The following MBOAT7 variants were observed in gnomAD, a reference collection of about 807,000 sequenced individuals.
The protein encoded by MBOAT7 is membrane bound acylglycerophosphatidylinositol O-acyltransferase MBOAT7, also known as membrane-bound acylglycerophosphatidylinositol O-acyltransferase MBOAT7.
In MBOAT7, 40 loss-of-function variants were observed where a neutral mutation model predicts 47.4. The observed-to-expected ratio is 0.84, with a 90% confidence interval of 0.66 to 1.10. The LOEUF (loss-of-function observed/expected upper bound fraction) is 1.10, where lower values mean the gene tolerates loss of function less well. Among genes scored for constraint, MBOAT7 ranks in the 50% least tolerant of loss-of-function variants. The pLI is 0.00. For missense variants in MBOAT7, 680 were observed against 655.6 expected (o/e 1.04, Z -0.41); for synonymous variants, 361 against 292.0 (o/e 1.24, Z -2.41).
rs770681434 is a variant in MBOAT7 at position 54,188,300 on chromosome 19, G to A, written c.123C>T (p.Leu41=). 7 of 1,613,914 alleles carry A rather than the reference G, an allele frequency of 4.3e-6. No homozygotes were observed. The highest frequency in any genetic ancestry group is 1.1e-5 in the South Asian group (1 of 91,076). The change falls in exon 3 of 8, where the codon CTC becomes CTT. Residue 41 remains leucine (L), a synonymous_variant. Coordinates refer to ENST00000245615, the MANE Select transcript of MBOAT7 (RefSeq NM_024298.5). ...TGTGGGGGCCACAGGTGAACAGGGT[G>A]AGCCCCAGGCCCACAGCGGCTGCTC... ...RWGAAAVGLG[L]TLFTCGPHTL... is the part of the protein sequence containing the mutation.
At chr19:54,181,689 G>A (rs1340656975) in intron 5 of MBOAT7, among the ~76,000 whole-genome samples, 35 of 101,086 alleles carry the variant, frequency 3.5e-4, no homozygotes, top group African/African-American at 1.4e-3. Context: ...GAAGGAAGGA[G>A]GGAGGGAAGG....
chr19:54,175,258 GTC>G, intron 7 of MBOAT7, among the ~76,000 whole-genome samples: 1 of 152,280 alleles, frequency 6.6e-6, no homozygotes, highest in Non-Finnish European at 1.5e-5. Flanking sequence ...GATCACAGGT[GTC>G]AGACACCACA....
At chr19:54,178,676 G>T in intron 7 of MBOAT7, 89 bp downstream of exon 7, 1 of 1,526,826 alleles carries the variant, frequency 6.5e-7, no homozygotes, top group East Asian at 2.4e-5. Context: ...CGGGGGCAGG[G>T]GCCCAGCCAG....
In MBOAT7 at chr19:54,178,785, A is replaced by C; in HGVS notation, c.1011T>G (p.Pro337=). ...CTCACCGCAGGACATAGGAACGGGC[A>C]GGTGCGCTCTTGTAGATATACTGCG... is the stretch of plus-strand genomic sequence containing the variant. ...WLAQYIYKSA[P]ARSYVLRSAW... The change falls in exon 7 of 8, where the codon CCT becomes CCG. Residue 337 remains proline, a synonymous_variant. Transcript: ENST00000245615. 6.2e-7 allele frequency: 1 copy of C among 1,613,454 alleles called. No homozygotes were observed. Among genetic ancestry groups the C allele is most frequent in the Non-Finnish European group, 8.5e-7 (1 of 1,180,016 alleles).
At chr19:54,176,944 G>A (rs1256750956) in intron 7 of MBOAT7, among the ~76,000 whole-genome samples, 2 of 151,778 alleles carry the variant, frequency 1.3e-5, no homozygotes, top group Admixed American at 6.6e-5. Flanking sequence ...AATTTTGGCC[G>A]GGCATGGTGA....
Position 54,174,436 on chromosome 19 carries a change from G to A in MBOAT7, c.1032-5C>T. ...AGCAGCATGGTCCAGGCGCTCCTGA[G>A]GAGGAGGCTGGGAGTCAGGACCTAC... On this transcript the variant is annotated splice_region_variant and splice_polypyrimidine_tract_variant and intron_variant, in intron 7 of 7. Coordinates refer to ENST00000245615, the MANE Select transcript of MBOAT7 (RefSeq NM_024298.5). 2.0e-6 allele frequency: 3 copies of A among 1,534,922 alleles called. No homozygotes were observed. The highest frequency in any genetic ancestry group is 2.6e-6 in the Non-Finnish European group (3 of 1,141,734).
intron 4 of MBOAT7, among the ~76,000 whole-genome samples, chr19:54,185,157 A>T (rs1305631262): frequency 6.6e-6 from 1 of 152,000 alleles, no homozygotes; most frequent in East Asian, 1.9e-4. Context: ...TTGCAGTGAG[A>T]TCACACCACT....
rs761899500 is a variant in MBOAT7, at chr19:54,178,765, C to G, written c.1031G>C (p.Arg344Pro). 2 of 1,613,256 alleles carry G rather than the reference C, an allele frequency of 1.2e-6. No individual in the cohort carries two copies. Among genetic ancestry groups the G allele is most frequent in the Non-Finnish European group, 1.7e-6 (2 of 1,179,902 alleles). The change falls in exon 7 of 8, where the codon CGG becomes CCG. Residue 344 changes from arginine (R) to proline (P), a missense_variant and splice_region_variant. Arg to Pro is a moderately radical substitution (Grantham distance 103). Transcript: ENST00000245615. ...CCTGAGACTGGGCGGGCTCACTCAC[C>G]GCAGGACATAGGAACGGGCAGGTGC... ...KSAPARSYVL[R>P]SAWTMLLSAY...
At position 54,174,131 on chromosome 19, in the gene MBOAT7, C is replaced by G; in HGVS notation, c.1332G>C (p.Gly444=). 1 of 1,600,258 alleles carries G rather than the reference C, an allele frequency of 6.2e-7. No homozygotes were observed. The highest frequency in any genetic ancestry group is 8.5e-7 in the Non-Finnish European group (1 of 1,174,158). The change falls in exon 8 of 8, where the codon GGG becomes GGC. Residue 444 remains glycine (G), a synonymous_variant. Coordinates refer to ENST00000245615, the MANE Select transcript of MBOAT7 (RefSeq NM_024298.5). ...HFLALAALGL[G]LALGGGSPSR... ...TGGGGCTGCCCCCACCTAAAGCCAG[C>G]CCCAGCCCCAGGGCTGCCAGGGCCA...
Position 54,178,842 on chromosome 19 carries a change from C to A in MBOAT7, c.954G>T (p.Arg318=), listed in dbSNP as rs369686836. The change falls in exon 7 of 8, where the codon CGG becomes CGT. Residue 318 remains arginine, a synonymous_variant. Coordinates refer to ENST00000245615, the MANE Select transcript of MBOAT7 (RefSeq NM_024298.5). ...ACCACTGCACCGTCATGTTCCAGTA[C>A]CGCATGCCATCGCGCACCCGCACGC... The part of the protein sequence containing the change: ...DFCVRVRDGM[R]YWNMTVQWWL... The A allele has an allele frequency of 1.9e-6, 3 of 1,613,714 alleles. No individual in the cohort carries two copies. Among genetic ancestry groups the A allele is most frequent in the Non-Finnish European group, 2.5e-6 (3 of 1,180,032 alleles).
intron 7 of MBOAT7, chr19:54,178,487 A>G: frequency 7.5e-7 from 1 of 1,336,998 alleles, no homozygotes; most frequent in Non-Finnish European, 9.5e-7. Context: ...CCAAGATTCC[A>G]GGAAGGCTGG....
Position 54,174,139 on chromosome 19 carries a change from C to G in MBOAT7, c.1324G>C (p.Gly442Arg). Residue 442 changes from glycine (G) to arginine (R), a missense_variant, in exon 8 of 8, where the codon GGG (glycine) becomes CGG (arginine). Physicochemically the swap from Gly to Arg is moderately radical, Grantham distance 125. Transcript: ENST00000245615. Reference sequence around the variant, plus strand: ...CCCCCACCTAAAGCCAGCCCCAGCCCCAGGGCTGCCAGGGCCAGGAAGTGG... The same window carrying G: ...CCCCCACCTAAAGCCAGCCCCAGCCGCAGGGCTGCCAGGGCCAGGAAGTGG... ...CIHFLALAAL[G>R]LGLALGGGSP... 6.3e-7 allele frequency: 1 copy of G among 1,598,604 alleles called. No individual in the cohort carries two copies.
In MBOAT7 at chr19:54,183,508, C is replaced by T. The variant is rs1220830224; in HGVS notation, c.493+13G>A. The T allele has an allele frequency of 1.9e-6, 3 of 1,604,580 alleles. No homozygotes were observed. The highest frequency in any genetic ancestry group is 2.2e-5 in the South Asian group (2 of 89,262). On this transcript the variant is annotated intron_variant, in intron 5 of 7. Coordinates refer to ENST00000245615, the MANE Select transcript of MBOAT7 (RefSeq NM_024298.5). ...AGACAGAGCGGCAGAGTTGTTAGGG[C>T]AGCCCCACTCACCTGTCATGATTCC... is the stretch of plus-strand genomic sequence containing the variant.
intron 7 of MBOAT7, among the ~76,000 whole-genome samples, chr19:54,175,174 T>G (rs990753529): frequency 6.6e-6 from 1 of 152,078 alleles, no homozygotes. Context: ...GAGACGGGGT[T>G]TCACCGTGTT....
chr19:54,186,921 T>C, intron 4 of MBOAT7: 1 of 529,180 alleles, frequency 1.9e-6, no homozygotes, highest in Non-Finnish European at 3.3e-6. Context: ...AAGCACCCAA[T>C]GGCACCTACT....
chr19:54,181,262 G>A, intron 5 of MBOAT7, 129 bp from the exon 6 acceptor site: 4 of 1,166,972 alleles, frequency 3.4e-6, no homozygotes, highest in Non-Finnish European at 4.6e-6. Context: ...CTGGGCGCCG[G>A]GGAGACCCCA....
chr19:54,183,450 A>C, intron 5 of MBOAT7, 71 bp downstream of exon 5: 9 of 1,552,590 alleles, frequency 5.8e-6, no homozygotes, highest in Non-Finnish European at 7.8e-6. Flanking sequence ...GCGGGAACAC[A>C]GAACAGGCAC....
intron 3 of MBOAT7, among the ~76,000 whole-genome samples, chr19:54,187,533 G>A (rs2076463406): frequency 6.6e-6 from 1 of 152,226 alleles, no homozygotes; most frequent in South Asian, 2.1e-4. Flanking sequence ...AGAAGCTTCG[G>A]GTGAAGACCC....
At chr19:54,176,817 C>A (rs2076120197) in intron 7 of MBOAT7, among the ~76,000 whole-genome samples, 1 of 152,042 alleles carries the variant, frequency 6.6e-6, no homozygotes, top group Admixed American at 6.6e-5. Flanking sequence ...CTTTGGGAGG[C>A]TGAGATGGGA....
Sources: gnomAD v4.1 joint callset for allele counts (sites outside exome capture counted in the v4.1 genomes callset) on GRCh38, gnomAD v4.1.1 for gene constraint, MANE v1.5 for transcripts, NCBI Gene and HGNC (gene_info 2026-07-23, HGNC 2026-07-21) for gene names.